The following CWC27 variants were observed in gnomAD, a reference collection of about 807,000 sequenced individuals.
CWC27 encodes spliceosome-associated protein CWC27 homolog.
In CWC27, 47 loss-of-function variants were observed where a neutral mutation model predicts 63.6. The observed-to-expected ratio is 0.74, with a 90% CI of 0.58 to 0.94. The LOEUF is 0.94. CWC27 is among the 40% of genes least tolerant of loss of function. The pLI, the probability that CWC27 is intolerant of heterozygous loss-of-function variation, is 0.00. For synonymous variants in CWC27, 175 were observed against 179.8 expected, an observed-to-expected ratio of 0.97 and a Z score of 0.22; for missense variants, 495 against 554.3, an observed-to-expected ratio of 0.89 and a Z score of 1.07.
intron 11 of CWC27, 152 bp downstream of exon 11, chr5:64,885,698 G>GGT (rs143055779): frequency 0.015 from 3,931 of 261,160 alleles, 36 homozygotes; most frequent in Middle Eastern, 0.022. Flanking sequence ...CTTGAGTTAG[G>GGT]GTGTGTGTGT....
intron 7 of CWC27, among the ~76,000 whole-genome samples, chr5:64,793,188 C>T (rs1744138484): frequency 6.6e-6 from 1 of 152,126 alleles, no homozygotes; most frequent in Non-Finnish European, 1.5e-5. Context: ...CCTTCATGAG[C>T]ACTCCCATTG....
chr5:64,840,377 AAAAAAAAAAAAAAAAAAATATATAT>A lies in CWC27; in HGVS notation c.938+35993_938+36017del, dbSNP rs1221324126. On this transcript the variant is annotated intron_variant, in intron 10 of 13. Transcript: ENST00000381070. The stretch of plus-strand genomic sequence containing the variant: ...CCTTTTTCATTAAAAAAAAAAAAAA[AAAAAAAAAAAAAAAAAAATATATAT>A]ATATATATATATATATATATATATA... 1.3e-3 allele frequency among the ~76,000 whole-genome samples: 85 copies of A among 65,798 alleles called. 3 individuals are homozygous for A. Among genetic ancestry groups the A allele is most frequent in the East Asian group, 7.4e-3 (17 of 2,298 alleles). The allele number at this position is 65,798 out of a possible 152,430, so 43.2% of individuals were successfully genotyped here.
At chr5:64,913,567 T>C (rs1747833432) in intron 11 of CWC27, among the ~76,000 whole-genome samples, 1 of 151,948 alleles carries the variant, frequency 6.6e-6, no homozygotes, top group African/African-American at 2.4e-5. Flanking sequence ...TATATGGAAA[T>C]AACAAAGATT....
intron 11 of CWC27, among the ~76,000 whole-genome samples, chr5:64,935,473 G>A (rs1385339947): frequency 6.6e-6 from 1 of 152,116 alleles, no homozygotes; most frequent in African/African-American, 2.4e-5. Context: ...TGTCTGTTTT[G>A]GTACCAGTAC....
At position 64,785,516 on chromosome 5, in the gene CWC27, G is replaced by A. The variant is rs764747161; in HGVS notation, c.432G>A (p.Leu144=). Residue 144 remains leucine (L), a synonymous_variant, in exon 5 of 14, where the codon CTG becomes CTA. Transcript: ENST00000381070. ...TGDTVYNMLR[L]SEVDIDDDER... is the part of the protein sequence containing the mutation. ...ATACAGTATATAACATGTTGCGACTGTCAGAAGTAGACATTGATGATGACG... is the reference window on the plus strand; with the variant it reads ...ATACAGTATATAACATGTTGCGACTATCAGAAGTAGACATTGATGATGACG... 9 of 1,555,140 alleles carry A rather than the reference G, an allele frequency of 5.8e-6. No individual in the cohort carries two copies. Among genetic ancestry groups the A allele is most frequent in the Non-Finnish European group, 6.9e-6 (8 of 1,157,592 alleles).
chr5:65,012,801 AAATC>A (rs1199556285), intron 13 of CWC27, among the ~76,000 whole-genome samples: 1 of 152,234 alleles, frequency 6.6e-6, no homozygotes, highest in African/African-American at 2.4e-5. Context: ...AGGGCTAATG[AAATC>A]AATCAATCTG....
chr5:64,953,015 A>G (rs1015758638), intron 11 of CWC27, among the ~76,000 whole-genome samples: 6 of 152,144 alleles, frequency 3.9e-5, no homozygotes, highest in Non-Finnish European at 7.4e-5. Flanking sequence ...TGCTTTGCCA[A>G]GTTGCCATGT....
intron 10 of CWC27, among the ~76,000 whole-genome samples, chr5:64,835,149 C>CATAAT (rs1406927957): frequency 6.6e-6 from 1 of 151,696 alleles, no homozygotes; most frequent in African/African-American, 2.4e-5. Context: ...ATTTCAGGCA[C>CATAAT]ATAATAGACT....
intron 11 of CWC27, among the ~76,000 whole-genome samples, chr5:64,956,855 A>G (rs1255581284): frequency 6.6e-6 from 1 of 152,270 alleles, no homozygotes; most frequent in Non-Finnish European, 1.5e-5. Flanking sequence ...TTCCTCATGC[A>G]TGAAATAGGG....
At chr5:64,987,346 A>C (rs979707166) in intron 13 of CWC27, among the ~76,000 whole-genome samples, 1 of 152,174 alleles carries the variant, frequency 6.6e-6, no homozygotes, top group East Asian at 1.9e-4. Context: ...GAATTCTTAC[A>C]TGTATGTAGG....
intron 11 of CWC27, among the ~76,000 whole-genome samples, chr5:64,916,702 T>G (rs1199699417): frequency 2.0e-5 from 3 of 152,200 alleles, no homozygotes; most frequent in African/African-American, 7.2e-5. Flanking sequence ...GCAGAACCTG[T>G]TATCAGAAGA....
rs573705379 is a variant in CWC27 at position 64,928,367 on chromosome 5, A to G, written c.1042+42821A>G. Among the ~76,000 whole-genome samples, 24 of 152,340 alleles carry G rather than the reference A, an allele frequency of 1.6e-4. No individual in the cohort carries two copies. In the South Asian group the frequency reaches 2.7e-3, roughly 17 times the overall value. On this transcript the variant is annotated intron_variant, in intron 11 of 13. Coordinates refer to ENST00000381070, the MANE Select transcript of CWC27 (RefSeq NM_005869.4). ...TCACTTAAGTATACAATATAATGTT[A>G]GATAATGACAAGTCTGCTTGGTTTT...
chr5:64,978,630 G>T (rs1325872530), intron 13 of CWC27, among the ~76,000 whole-genome samples: 2 of 150,642 alleles, frequency 1.3e-5, no homozygotes, highest in East Asian at 3.9e-4. Flanking sequence ...TTGGCGGTGG[G>T]GGGGATTCCT....
chr5:64,784,093 C>A, intron 4 of CWC27, 114 bp downstream of exon 4: 1 of 895,016 alleles, frequency 1.1e-6, no homozygotes, highest in Non-Finnish European at 1.6e-6. Flanking sequence ...TAAAAACATT[C>A]CATAGGATAT....
intron 13 of CWC27, among the ~76,000 whole-genome samples, chr5:64,990,189 A>G (rs1320705009): frequency 6.6e-6 from 1 of 151,358 alleles, no homozygotes; most frequent in Non-Finnish European, 1.5e-5. Flanking sequence ...TTCACTAGTT[A>G]CTGTCATTAT....
intron 1 of CWC27, among the ~76,000 whole-genome samples, 168 bp downstream of exon 1, chr5:64,769,356 A>G (rs978934162): frequency 2.0e-5 from 3 of 152,146 alleles, no homozygotes; most frequent in Non-Finnish European, 4.4e-5. Flanking sequence ...TGATGTTGGT[A>G]CTTTTCAGGA....
intron 10 of CWC27, among the ~76,000 whole-genome samples, chr5:64,822,440 C>T (rs1344614480): frequency 6.6e-6 from 1 of 152,052 alleles, no homozygotes; most frequent in Admixed American, 6.6e-5. Flanking sequence ...TGCATGTATG[C>T]AAGTAGCATT....
chr5:64,903,676 T>C (rs892354289), intron 11 of CWC27, among the ~76,000 whole-genome samples: 28 of 152,058 alleles, frequency 1.8e-4, no homozygotes, highest in African/African-American at 6.3e-4. Flanking sequence ...ACATGTACCC[T>C]AGAACTTAAA....
At chr5:64,884,462 G>A (rs893146734) in intron 10 of CWC27, among the ~76,000 whole-genome samples, 2 of 152,128 alleles carry the variant, frequency 1.3e-5, no homozygotes, top group African/African-American at 2.4e-5. Context: ...AAAAGGTATA[G>A]GATTTGGGAT....
Sources: allele counts gnomAD v4.1 joint callset (sites outside exome capture counted in the v4.1 genomes callset), GRCh38; gene constraint gnomAD v4.1.1; transcripts MANE v1.5; gene names NCBI Gene and HGNC (gene_info 2026-07-23, HGNC 2026-07-21).